Variants in COL18A1 observed in about 807,000 individuals in gnomAD.
COL18A1 encodes collagen type XVIII alpha 1 chain.
A neutral mutation model predicts 168.0 loss-of-function variants in COL18A1; 133 were observed. The observed-to-expected ratio is 0.79, with a 90% CI of 0.69 to 0.91. The LOEUF (loss-of-function observed/expected upper bound fraction) is 0.91. Among genes scored for constraint, COL18A1 ranks in the 40% least tolerant of loss-of-function variants. The probability of loss-of-function intolerance (pLI) is 0.00; values close to 1 mark genes in which losing one functional copy is unlikely to be tolerated. For synonymous variants in COL18A1, 949 were observed against 809.0 expected (o/e 1.17, Z -2.94); for missense variants, 2,126 against 1,925.4 (o/e 1.10, Z -1.95).
rs2035443146 is a variant in COL18A1 at position 45,471,902 on chromosome 21, T to C, written c.652-1993T>C. 6.6e-6 allele frequency among the ~76,000 whole-genome samples: 1 copy of C among 152,204 alleles called. No individual in the cohort carries two copies. Among genetic ancestry groups the C allele is most frequent in the Admixed American group, 6.5e-5 (1 of 15,282 alleles). On this transcript the variant is annotated intron_variant, in intron 3 of 41. Coordinates refer to ENST00000651438, the MANE Select transcript of COL18A1 (RefSeq NM_001379500.1). This position sits in a 1 kb window ranked among gnomAD's most constrained non-coding sequence, Gnocchi z 4.4. Reference sequence around the variant, plus strand: ...TCCGAAGTCCCTTAAATATTTACAATGGGCCTGTGGCTTTTGCACTAGCGC... The same window carrying C: ...TCCGAAGTCCCTTAAATATTTACAACGGGCCTGTGGCTTTTGCACTAGCGC...
chr21:45,468,834 G>T lies in COL18A1; in HGVS notation c.651+48G>T, dbSNP rs935853173. 2.1e-6 allele frequency: 3 copies of T among 1,460,782 alleles called. No individual in the cohort carries two copies. In the African/African-American group the frequency reaches 4.2e-5, roughly 20 times the overall value. 90.5% of individuals were successfully genotyped at this position (1,460,782 alleles called of 1,614,324 possible). A position where few individuals can be genotyped will look rare whatever the true frequency, so the allele number is the denominator to read the frequency against. On this transcript the variant is annotated intron_variant, in intron 3 of 41. Transcript: ENST00000651438. ...TGGGGGACTGGAGCAGCTGGGATGG[G>T]GTGGGGTGGGGGTGGCCACTGGGAC...
intron 2 of COL18A1, among the ~76,000 whole-genome samples, chr21:45,412,156 A>G: frequency 6.6e-6 from 1 of 150,724 alleles, no homozygotes; most frequent in Non-Finnish European, 1.5e-5. Context: ...TCAGCTCTGG[A>G]TGTCCTATTT....
At chr21:45,417,548 CCT>C (rs1308446782) in intron 2 of COL18A1, among the ~76,000 whole-genome samples, 2 of 152,208 alleles carry the variant, frequency 1.3e-5, no homozygotes, top group Non-Finnish European at 2.9e-5. Context: ...GCCCAGCTGC[CCT>C]CTCTGTGGCA....
intron 31 of COL18A1, among the ~76,000 whole-genome samples, 174 bp from the exon 32 acceptor site, chr21:45,497,425 C>T (rs976059893): frequency 3.9e-5 from 6 of 152,220 alleles, no homozygotes; most frequent in East Asian, 1.9e-4. Flanking sequence ...GGCCTGCTGA[C>T]GGGGACCCAG....
rs536842780 is a variant in COL18A1 at position 45,511,970 on chromosome 21, G to A, written c.3810-218G>A. 2.6e-5 allele frequency among the ~76,000 whole-genome samples: 4 copies of A among 152,218 alleles called. No homozygotes were observed. The South Asian group carries it at 8.3e-4, about 32-fold the overall frequency. ...CCCCTCTCCCCTCTGCCGTGGGTGT[G>A]TCTGGCAGAAGCAGCATGGGGGGCA... On this transcript the variant is annotated intron_variant, in intron 41 of 41. Transcript: ENST00000651438.
chr21:45,420,524 G>T (rs566086291), intron 2 of COL18A1: 4 of 152,262 alleles, frequency 2.6e-5, no homozygotes, highest in African/African-American at 9.6e-5. Flanking sequence ...ACCGAGAACA[G>T]ACCCCTCCTT....
In COL18A1 at chr21:45,493,169, G is replaced by A. The variant is rs2145993591; in HGVS notation, c.2221G>A (p.Ala741Thr). The A allele has an allele frequency of 6.4e-7, 1 of 1,558,936 alleles. No homozygotes were observed. Among genetic ancestry groups the A allele is most frequent in the Non-Finnish European group, 8.7e-7 (1 of 1,151,480 alleles). The part of the protein sequence containing the change: ...RPGFAGFPGP[A>T]GPKGNLGSKG... ...GGCCTGGCCTCCATTCCAGGGACCTGCAGGACCCAAGGGCAACCTGGGCTC... is the reference window on the plus strand; with the variant it reads ...GGCCTGGCCTCCATTCCAGGGACCTACAGGACCCAAGGGCAACCTGGGCTC... Residue 741 changes from alanine (A) to threonine (T), a missense_variant, in exon 25 of 42, where the codon GCA becomes ACA. Transcript: ENST00000651438.
At position 45,480,682 on chromosome 21, in the gene COL18A1, G is replaced by T; in HGVS notation, c.1453-18G>T. On this transcript the variant is annotated intron_variant, in intron 12 of 41. Coordinates refer to ENST00000651438, the MANE Select transcript of COL18A1 (RefSeq NM_001379500.1). ...GGTGCCACATGGGCTGTGACTATCT[G>T]TGTTCGCCCACGTCCAGGGTCCTCG... The T allele has an allele frequency of 6.2e-7, 1 of 1,610,902 alleles. No homozygotes were observed.
chr21:45,480,909 AG>A, intron 13 of COL18A1, 51 bp downstream of exon 13: 1 of 1,564,242 alleles, frequency 6.4e-7, no homozygotes. Context: ...GCTGGGAGTG[AG>A]GGGTGAACAC....
At chr21:45,481,043 G>C (rs949249622) in intron 13 of COL18A1, among the ~76,000 whole-genome samples, 185 bp downstream of exon 13, 7 of 152,208 alleles carry the variant, frequency 4.6e-5, no homozygotes, top group Non-Finnish European at 8.8e-5. Flanking sequence ...GGAAGCACCT[G>C]AGTGGCCACC....
chr21:45,415,628 C>T (rs1428467101), intron 2 of COL18A1, among the ~76,000 whole-genome samples: 5 of 152,122 alleles, frequency 3.3e-5, no homozygotes, highest in East Asian at 1.9e-4. Flanking sequence ...AGGCCCCGGA[C>T]GGGAAAGTGC....
rs2036623183 is a variant in COL18A1, at chr21:45,498,448, G to A, written c.2683+787G>A. ...GCCACGGTCCCCTCTCGCCGCCAGG[G>A]TCCCCTCTCGCCGCCACGGTCCCCG... On this transcript the variant is annotated intron_variant, in intron 32 of 41. Transcript: ENST00000651438. This position sits in a 1 kb window ranked among gnomAD's most constrained non-coding sequence, Gnocchi z 4.5. 1 of 701,698 alleles carries A rather than the reference G, an allele frequency of 1.4e-6. No homozygotes were observed. Among genetic ancestry groups the A allele is most frequent in the Non-Finnish European group, 2.7e-6 (1 of 375,592 alleles). 43.5% of individuals were successfully genotyped at this position (701,698 alleles called of 1,614,324 possible). A position where few individuals can be genotyped will look rare whatever the true frequency, so the allele number is the denominator to read the frequency against.
At chr21:45,441,098 T>A (rs2034358490) in intron 2 of COL18A1, among the ~76,000 whole-genome samples, 2 of 152,136 alleles carry the variant, frequency 1.3e-5, no homozygotes, top group African/African-American at 4.8e-5. Flanking sequence ...CACATGGCCC[T>A]GGGAATTACA....
rs545325413 is a variant in COL18A1 at position 45,460,051 on chromosome 21, G to C, written c.107-8191G>C. ...GACCTGGGAGCTGCGTATTGTTCCC[G>C]TTTACAGGTGAGAAACTGAGGCCTA... is the stretch of plus-strand genomic sequence containing the variant. On this transcript the variant is annotated intron_variant, in intron 2 of 41. Transcript: ENST00000651438. Among the ~76,000 whole-genome samples, 6 of 152,288 alleles carry C rather than the reference G, an allele frequency of 3.9e-5. No individual in the cohort carries two copies. In the East Asian group the frequency reaches 9.7e-4, roughly 25 times the overall value.
chr21:45,494,733 G>C, intron 27 of COL18A1, 129 bp from the exon 28 acceptor site: 1 of 1,266,774 alleles, frequency 7.9e-7, no homozygotes, highest in Admixed American at 1.9e-5. Flanking sequence ...GCTGCAGTGG[G>C]CTCCTCCGAG....
At chr21:45,428,189 G>T (rs755803645) in intron 2 of COL18A1, among the ~76,000 whole-genome samples, 3 of 152,172 alleles carry the variant, frequency 2.0e-5, no homozygotes, top group African/African-American at 7.2e-5. Flanking sequence ...TGGGCCTGGG[G>T]GCTCTCAGAG....
Position 45,486,865 on chromosome 21 carries a change from G to A in COL18A1, c.1706G>A (p.Ser569Asn), listed in dbSNP as rs1163759847. 1 of 1,528,924 alleles carries A rather than the reference G, an allele frequency of 6.5e-7. No homozygotes were observed. The highest frequency in any genetic ancestry group is 2.0e-5 in the Admixed American group (1 of 49,600). The allele number at this position is 1,528,924 out of a possible 1,614,324, so 94.7% of individuals were successfully genotyped here. A position where few individuals can be genotyped will look rare whatever the true frequency, so the allele number is the denominator to read the frequency against. The change falls in exon 16 of 42, where the codon AGC becomes AAC. Residue 569 changes from serine (S) to asparagine (N), a missense_variant. Ser to Asn is a conservative substitution (Grantham distance 46). Transcript: ENST00000651438. ...GEAGAPGHKG[S>N]KGAPGPAGAR... ...CGCTCTCCTCACCCCACGCAGGGGAGCAAGGGAGCCCCCGGTCCTGCTGGT... is the reference window on the plus strand; with the variant it reads ...CGCTCTCCTCACCCCACGCAGGGGAACAAGGGAGCCCCCGGTCCTGCTGGT...
chr21:45,486,181 C>T (rs568674169), intron 15 of COL18A1, among the ~76,000 whole-genome samples: 2 of 152,318 alleles, frequency 1.3e-5, no homozygotes, highest in African/African-American at 4.8e-5. Context: ...ATAGAGTCAC[C>T]GCAATGCCTG....
Position 45,405,467 on chromosome 21 carries a change from G to T in COL18A1, c.100G>T (p.Glu34Ter). The change falls in exon 2 of 42, where the codon GAG becomes TAG. Residue 34 changes from glutamate to a stop codon, truncating the protein, a stop_gained. Coordinates refer to ENST00000651438, the MANE Select transcript of COL18A1 (RefSeq NM_001379500.1). LOFTEE classifies it high-confidence loss of function. The part of the protein sequence containing the change: ...LLLGVRAASA[E>*]PERISEEVGL... ...GCTCGGGGTCCGCGCGGCCTCCGCGGAGCCAGGTAAGACCCGGGCGGGACG... is the reference window on the plus strand; with the variant it reads ...GCTCGGGGTCCGCGCGGCCTCCGCGTAGCCAGGTAAGACCCGGGCGGGACG... 1 of 1,375,666 alleles carries T rather than the reference G, an allele frequency of 7.3e-7. No homozygotes were observed. 85.2% of individuals were successfully genotyped at this position (1,375,666 alleles called of 1,614,324 possible). A position where few individuals can be genotyped will look rare whatever the true frequency, so the allele number is the denominator to read the frequency against.
Sources: gnomAD v4.1 joint callset for allele counts (sites outside exome capture counted in the v4.1 genomes callset) on GRCh38, gnomAD v4.1.1 for gene constraint, Gnocchi (gnomAD v3.1) non-coding constraint, MANE v1.5 for transcripts, NCBI Gene and HGNC (gene_info 2026-07-23, HGNC 2026-07-21) for gene names.